CEP128: variants seen among roughly 807,000 people sequenced by gnomAD.
The protein encoded by CEP128 is centrosomal protein 128kDa.
CEP128 carries 132 observed loss-of-function variants against 156.7 expected under a neutral mutation model. That is an observed-to-expected ratio of 0.84 (90% confidence interval 0.73 to 0.97). CEP128 has a LOEUF of 0.97. CEP128 is among the 50% of genes least tolerant of loss of function. The pLI is 0.00. For synonymous variants in CEP128, 469 were observed against 448.9 expected, an observed-to-expected ratio of 1.04 and a Z score of -0.57; for missense variants, 1,252 against 1,281.9, an observed-to-expected ratio of 0.98 and a Z score of 0.36.
chr14:80,752,592 T>C (rs1410807435), intron 18 of CEP128, among the ~76,000 whole-genome samples: 1 of 152,162 alleles, frequency 6.6e-6, no homozygotes, highest in Non-Finnish European at 1.5e-5. Flanking sequence ...TCAATAAGAA[T>C]TAAGTACACT....
rs376407969 is a variant in CEP128 at position 80,509,403 on chromosome 14, T to C, written c.3073-4383A>G. Among the ~76,000 whole-genome samples the C allele has an allele frequency of 5.3e-5, 8 of 152,344 alleles. No individual in the cohort carries two copies. In the East Asian group the frequency reaches 9.6e-4, roughly 18 times the overall value. On this transcript the variant is annotated intron_variant, in intron 23 of 24. Transcript: ENST00000555265. ...ACATTTCTCAATGATCTTGAGCCCA[T>C]TTCCTACACCTGTTTGCCATTTGTA...
intron 13 of CEP128, among the ~76,000 whole-genome samples, chr14:80,809,329 A>T (rs1038321845): frequency 1.3e-4 from 20 of 152,134 alleles, no homozygotes; most frequent in African/African-American, 3.1e-4. Context: ...CAGAATTTTA[A>T]AAAAAAAGAA....
chr14:80,503,574 C>T (rs1289655277), intron 24 of CEP128, among the ~76,000 whole-genome samples: 2 of 152,138 alleles, frequency 1.3e-5, no homozygotes, highest in Admixed American at 6.5e-5. Flanking sequence ...CTGTTTATCT[C>T]CAGGCTCTTG....
At chr14:80,872,540 G>A (rs757093410) in intron 8 of CEP128, among the ~76,000 whole-genome samples, 3 of 152,128 alleles carry the variant, frequency 2.0e-5, no homozygotes, top group East Asian at 1.9e-4. Context: ...CACAATAAAC[G>A]TGATTAAGAG....
downstream of CEP128, among the ~76,000 whole-genome samples, chr14:80,493,089 TG>T (rs1887378801): frequency 6.6e-6 from 1 of 152,170 alleles, no homozygotes; most frequent in Admixed American, 6.6e-5. Context: ...ATTTAAGTAA[TG>T]CCAGTCAAAC....
intron 8 of CEP128, among the ~76,000 whole-genome samples, chr14:80,893,699 AG>A (rs1329387518): frequency 2.0e-5 from 3 of 152,066 alleles, no homozygotes; most frequent in South Asian, 4.1e-4. Context: ...AGGGCAAATC[AG>A]GGCAGGGTGG....
At chr14:80,628,536 C>A (rs1298651674) in intron 19 of CEP128, among the ~76,000 whole-genome samples, 1 of 152,176 alleles carries the variant, frequency 6.6e-6, no homozygotes, top group Non-Finnish European at 1.5e-5. Context: ...TGGACATCTG[C>A]TGTTTTTGCC....
chr14:80,622,374 T>A (rs1022365637), intron 19 of CEP128, among the ~76,000 whole-genome samples: 9 of 151,158 alleles, frequency 6.0e-5, no homozygotes, highest in African/African-American at 1.9e-4. Context: ...AACCTAGGCA[T>A]TACCATTCAG....
intron 2 of CEP128, among the ~76,000 whole-genome samples, chr14:80,953,446 G>A (rs1350706162): frequency 3.9e-5 from 6 of 152,122 alleles, no homozygotes; most frequent in African/African-American, 1.4e-4. Context: ...TTAACCGGGC[G>A]TGGTGGCGGG....
intron 8 of CEP128, among the ~76,000 whole-genome samples, chr14:80,887,364 C>G (rs1207756575): frequency 7.9e-5 from 12 of 152,114 alleles, no homozygotes; most frequent in Non-Finnish European, 1.6e-4. Context: ...ATAAAATTGA[C>G]CACATCATAG....
At chr14:80,539,418 G>A (rs894559644) in intron 21 of CEP128, among the ~76,000 whole-genome samples, 4 of 152,144 alleles carry the variant, frequency 2.6e-5, no homozygotes, top group African/African-American at 9.7e-5. Flanking sequence ...CCGCGGCAGA[G>A]GAGCATAACT....
intron 21 of CEP128, among the ~76,000 whole-genome samples, chr14:80,540,608 G>T (rs534165890): frequency 6.6e-6 from 1 of 152,168 alleles, no homozygotes; most frequent in Non-Finnish European, 1.5e-5. Context: ...TCTTTTGAGG[G>T]TTTGAGCAGA....
chr14:80,627,599 T>C (rs1451380113), intron 19 of CEP128, among the ~76,000 whole-genome samples: 1 of 152,224 alleles, frequency 6.6e-6, no homozygotes, highest in Non-Finnish European at 1.5e-5. Flanking sequence ...GGTCAGCAAG[T>C]TATATGTTTA....
intron 2 of CEP128, among the ~76,000 whole-genome samples, chr14:80,936,184 A>T (rs147580790): frequency 3.1e-4 from 47 of 152,348 alleles, no homozygotes; most frequent in African/African-American, 9.6e-4. Flanking sequence ...ATTCATGAGC[A>T]CCTGTTTCAC....
chr14:80,902,542 G>A (rs1883639542), intron 6 of CEP128, among the ~76,000 whole-genome samples: 1 of 152,114 alleles, frequency 6.6e-6, no homozygotes, highest in African/African-American at 2.4e-5. Flanking sequence ...AAACAAAGAG[G>A]TCAAAGTGCA....
chr14:80,479,596 A>G (rs1887012069), intron 14 of CEP128, among the ~76,000 whole-genome samples: 1 of 152,184 alleles, frequency 6.6e-6, no homozygotes, highest in South Asian at 2.1e-4. Flanking sequence ...CTCCCACAAC[A>G]TGTGGGAATT....
chr14:80,533,430 C>A (rs999498043), intron 21 of CEP128, among the ~76,000 whole-genome samples: 4 of 152,144 alleles, frequency 2.6e-5, no homozygotes, highest in African/African-American at 4.8e-5. Flanking sequence ...AGTAAATGAT[C>A]TCTTACCCTA....
At chr14:80,745,372 G>C (rs564133502) in intron 18 of CEP128, among the ~76,000 whole-genome samples, 2 of 152,154 alleles carry the variant, frequency 1.3e-5, no homozygotes, top group Non-Finnish European at 2.9e-5. Flanking sequence ...CCCAGTCTCA[G>C]GTAGTTCTTT....
chr14:80,629,225 G>C (rs1893862498), intron 19 of CEP128, among the ~76,000 whole-genome samples: 1 of 152,106 alleles, frequency 6.6e-6, no homozygotes, highest in Non-Finnish European at 1.5e-5. Context: ...AGAGATCAGC[G>C]ATGTGAGTTG....
Sources: gnomAD v4.1 joint callset for allele counts (sites outside exome capture counted in the v4.1 genomes callset) on GRCh38, gnomAD v4.1.1 for gene constraint, MANE v1.5 for transcripts, NCBI Gene and HGNC (gene_info 2026-07-23, HGNC 2026-07-21) for gene names.